ROBO2: variants seen among roughly 807,000 people sequenced by gnomAD.
ROBO2 encodes the protein roundabout homolog 2.
In ROBO2, 53 loss-of-function variants were observed where a neutral mutation model predicts 160.8. The observed-to-expected ratio is 0.33, with a 90% CI of 0.26 to 0.41. The LOEUF is 0.41. ROBO2 is among the 10% of genes least tolerant of loss of function. The probability of loss-of-function intolerance (pLI) is 1.00; values close to 1 mark genes in which losing one functional copy is unlikely to be tolerated. For missense variants in ROBO2, 1,577 were observed against 1,722.4 expected (o/e 0.92, Z 1.49); for synonymous variants, 664 against 611.7 (o/e 1.09, Z -1.26).
intron 2 of ROBO2, among the ~76,000 whole-genome samples, chr3:77,238,039 TGATAA>T (rs1250097695): frequency 1.3e-5 from 2 of 152,354 alleles, no homozygotes; most frequent in South Asian, 2.1e-4. Flanking sequence ...ACATCTTCTT[TGATAA>T]GATGTTTGTG....
chr3:76,819,619 T>G (rs977284562), intron 2 of ROBO2, among the ~76,000 whole-genome samples: 2 of 152,034 alleles, frequency 1.3e-5, no homozygotes, highest in Admixed American at 6.6e-5. Flanking sequence ...CATTCATTGT[T>G]GGAGAGAGCT....
intron 2 of ROBO2, among the ~76,000 whole-genome samples, chr3:76,212,850 C>CTCTCTT (rs1703234535): frequency 6.6e-6 from 1 of 151,090 alleles, no homozygotes; most frequent in South Asian, 2.1e-4. Context: ...GAGCCTCTCT[C>CTCTCTT]TCTCTCTCTC....
At chr3:76,804,951 G>A (rs1004193924) in intron 2 of ROBO2, among the ~76,000 whole-genome samples, 1 of 152,092 alleles carries the variant, frequency 6.6e-6, no homozygotes, top group Non-Finnish European at 1.5e-5. Context: ...TCTAAGACTA[G>A]ATTTATTTCC....
chr3:76,874,161 T>C (rs1417220949), intron 2 of ROBO2, among the ~76,000 whole-genome samples: 2 of 152,092 alleles, frequency 1.3e-5, no homozygotes, highest in Non-Finnish European at 2.9e-5. Context: ...AAACAAAGGC[T>C]TTAGCTTAAA....
chr3:76,219,102 C>T (rs902082392), intron 2 of ROBO2, among the ~76,000 whole-genome samples: 3 of 152,276 alleles, frequency 2.0e-5, no homozygotes, highest in Middle Eastern at 3.4e-3. Context: ...GGAAAACTGG[C>T]TAGCCATATG....
intron 2 of ROBO2, among the ~76,000 whole-genome samples, chr3:76,925,228 A>AAAAATAAAAT (rs757543990): frequency 1.4e-5 from 2 of 147,478 alleles, no homozygotes; most frequent in Non-Finnish European, 1.5e-5. Context: ...AAAAAAAAAA[A>AAAAATAAAAT]AAATCTGGTT....
intron 2 of ROBO2, among the ~76,000 whole-genome samples, chr3:77,132,093 G>T (rs1476018809): frequency 1.3e-5 from 2 of 151,944 alleles, no homozygotes; most frequent in Non-Finnish European, 2.9e-5. Flanking sequence ...ATATTGCCAT[G>T]GCTCACTCTT....
chr3:76,520,093 C>T (rs2081528019), intron 2 of ROBO2, among the ~76,000 whole-genome samples: 1 of 152,128 alleles, frequency 6.6e-6, no homozygotes, highest in South Asian at 2.1e-4. Context: ...TCCCTTCTTC[C>T]CTTTCTCTAT....
At chr3:77,121,285 G>A (rs1226915941) in intron 2 of ROBO2, among the ~76,000 whole-genome samples, 1 of 151,804 alleles carries the variant, frequency 6.6e-6, no homozygotes. Flanking sequence ...CTCAGGTTTT[G>A]ATATTCTTTT....
chr3:76,590,836 A>G (rs1334780484), intron 2 of ROBO2, among the ~76,000 whole-genome samples: 6 of 152,142 alleles, frequency 3.9e-5, no homozygotes, highest in Admixed American at 2.6e-4. Context: ...ATACTGAAAT[A>G]TAGCTTATTA....
intron 5 of ROBO2, among the ~76,000 whole-genome samples, chr3:77,507,201 T>G (rs1429191627): frequency 6.6e-6 from 1 of 152,174 alleles, no homozygotes; most frequent in African/African-American, 2.4e-5. Context: ...AATTCATGAA[T>G]TATTCCATAA....
At chr3:76,786,569 C>T (rs1560559281) in intron 2 of ROBO2, among the ~76,000 whole-genome samples, 1 of 151,384 alleles carries the variant, frequency 6.6e-6, no homozygotes, top group East Asian at 2.0e-4. Flanking sequence ...TGCTAAACAA[C>T]TGGAAACCAC....
intron 1 of ROBO2, among the ~76,000 whole-genome samples, chr3:77,052,376 T>C (rs996203848): frequency 2.6e-5 from 4 of 152,148 alleles, no homozygotes; most frequent in Admixed American, 2.6e-4. Flanking sequence ...AGAGCAATAA[T>C]AAAAGCCTTG....
At chr3:76,576,509 C>T (rs749079403) in intron 2 of ROBO2, among the ~76,000 whole-genome samples, 1 of 152,034 alleles carries the variant, frequency 6.6e-6, no homozygotes, top group South Asian at 2.1e-4. Flanking sequence ...TGTCAGTAGA[C>T]CCCATATCAC....
intron 2 of ROBO2, among the ~76,000 whole-genome samples, chr3:76,404,691 A>G (rs1001281287): frequency 2.6e-5 from 4 of 151,600 alleles, no homozygotes; most frequent in African/African-American, 9.7e-5. Context: ...GAGGTAGATA[A>G]AGAAATGCAG....
chr3:77,522,792 A>T (rs374545388), exon 6 of ROBO2: 56 of 1,609,062 alleles, frequency 3.5e-5, no homozygotes, highest in Non-Finnish European at 5.1e-6. Flanking sequence ...ATCAAAGACG[A>T]TTACACACTA....
At position 76,460,167 on chromosome 3, in the gene ROBO2, A is replaced by T. The variant is rs990205148; in HGVS notation, c.109+522565A>T. Reference sequence around the variant, plus strand: ...TTATAAAAAAAAACTGAGCACAAAGATGCACTTTGTGCCAAAAATATAATG... The same window carrying T: ...TTATAAAAAAAAACTGAGCACAAAGTTGCACTTTGTGCCAAAAATATAATG... On this transcript the variant is annotated intron_variant, in intron 2 of 26. Coordinates refer to the ROBO2 transcript ENST00000487694. Among the ~76,000 whole-genome samples, 8 of 152,244 alleles carry T rather than the reference A, an allele frequency of 5.3e-5. No individual in the cohort carries two copies. In the East Asian group the frequency reaches 1.2e-3, roughly 22 times the overall value.
At chr3:76,434,953 A>G in intron 2 of ROBO2, 2 of 1,598,688 alleles carry the variant, frequency 1.3e-6, no homozygotes, top group Non-Finnish European at 1.7e-6. Context: ...ACAAAGAAGG[A>G]GCCAGCTGTA....
At chr3:76,308,142 G>T (rs1263914507) in intron 2 of ROBO2, among the ~76,000 whole-genome samples, 1 of 152,088 alleles carries the variant, frequency 6.6e-6, no homozygotes, top group African/African-American at 2.4e-5. Context: ...ACTTTGGGAG[G>T]CCAAGGTGAG....
Sources: allele counts gnomAD v4.1 joint callset (sites outside exome capture counted in the v4.1 genomes callset), GRCh38; gene constraint gnomAD v4.1.1; transcripts MANE v1.5; gene names NCBI Gene and HGNC (gene_info 2026-07-23, HGNC 2026-07-21).